Variants in SAMD12 observed in about 807,000 individuals in gnomAD.
SAMD12 encodes the protein sterile alpha motif domain-containing protein 12.
A neutral mutation model predicts 15.0 loss-of-function variants in SAMD12; 9 were observed. That is an observed-to-expected ratio of 0.60 (90% CI 0.36 to 1.05). SAMD12 has a LOEUF of 1.05. SAMD12 is among the 50% of genes least tolerant of loss of function. The pLI, the probability that SAMD12 is intolerant of heterozygous loss-of-function variation, is 0.01. For synonymous variants in SAMD12, 86 were observed against 90.1 expected, an observed-to-expected ratio of 0.96 and a Z score of 0.25; for missense variants, 230 against 234.2, an observed-to-expected ratio of 0.98 and a Z score of 0.12.
intron 3 of SAMD12, among the ~76,000 whole-genome samples, chr8:118,412,077 T>G (rs1162401635): frequency 1.3e-5 from 2 of 152,218 alleles, no homozygotes; most frequent in African/African-American, 4.8e-5. Flanking sequence ...AAAAGTTTAC[T>G]AGCCCTCACC....
At chr8:118,310,372 C>T (rs1237501286) in intron 4 of SAMD12, among the ~76,000 whole-genome samples, 1 of 152,160 alleles carries the variant, frequency 6.6e-6, no homozygotes, top group Non-Finnish European at 1.5e-5. Context: ...GGCTGTAAAG[C>T]CAAAAACTAA....
chr8:118,503,098 T>C (rs1318961142), intron 2 of SAMD12, among the ~76,000 whole-genome samples: 2 of 152,252 alleles, frequency 1.3e-5, no homozygotes, highest in Non-Finnish European at 2.9e-5. Flanking sequence ...TCTGCTTCAG[T>C]ATTAAAGAGC....
chr8:118,505,138 G>A (rs1824887615), intron 2 of SAMD12, among the ~76,000 whole-genome samples: 1 of 152,166 alleles, frequency 6.6e-6, no homozygotes, highest in African/African-American at 2.4e-5. Flanking sequence ...TCTGTTTCTG[G>A]TTCCAACTTC....
At chr8:118,514,189 A>G (rs189044644) in intron 2 of SAMD12, among the ~76,000 whole-genome samples, 262 of 152,254 alleles carry the variant, frequency 1.7e-3, no homozygotes, top group Non-Finnish European at 3.2e-3. Flanking sequence ...TTTCCATACA[A>G]CTCTCTAATG....
chr8:118,506,107 G>A (rs1331549647), intron 2 of SAMD12, among the ~76,000 whole-genome samples: 1 of 152,034 alleles, frequency 6.6e-6, no homozygotes, highest in African/African-American at 2.4e-5. Context: ...ACAGAACACT[G>A]GTCCCTATAC....
At chr8:118,449,830 A>G (rs1252783504) in intron 2 of SAMD12, among the ~76,000 whole-genome samples, 8 of 151,182 alleles carry the variant, frequency 5.3e-5, no homozygotes, top group Non-Finnish European at 7.4e-5. Context: ...ACAAAAAAAA[A>G]GGTGAGAAAA....
rs766659975 is a variant in SAMD12 at position 118,621,861 on chromosome 8, G to A, written c.-45C>T. ...CGCATGCATAATTTTCTTGGCCGAG[G>A]TACTCCTCCTGCCCCGCGCTCCCCC... On this transcript the variant is annotated 5_prime_UTR_variant, in exon 1 of 4. Coordinates refer to ENST00000314727, the MANE Select transcript of SAMD12 (RefSeq NM_207506.3). 9.3e-6 allele frequency: 15 copies of A among 1,607,386 alleles called. No homozygotes were observed. Among genetic ancestry groups the A allele is most frequent in the Non-Finnish European group, 1.2e-5 (14 of 1,173,934 alleles).
At chr8:118,272,300 T>G (rs1388951494) in intron 4 of SAMD12, among the ~76,000 whole-genome samples, 1 of 152,202 alleles carries the variant, frequency 6.6e-6, no homozygotes, top group Non-Finnish European at 1.5e-5. Context: ...TAGCCATAGC[T>G]GGAGTAGCTG....
chr8:118,321,182 TA>T (rs1377854402), intron 4 of SAMD12, among the ~76,000 whole-genome samples: 4 of 118,012 alleles, frequency 3.4e-5, no homozygotes, highest in South Asian at 2.9e-4. Flanking sequence ...TATATATATA[TA>T]TATTCTTCAT....
intron 2 of SAMD12, among the ~76,000 whole-genome samples, chr8:118,463,666 C>T (rs1166709049): frequency 6.6e-6 from 1 of 152,014 alleles, no homozygotes; most frequent in Non-Finnish European, 1.5e-5. Context: ...AAGGCTAAGC[C>T]GGAAAAAACC....
At chr8:118,487,311 T>G (rs1824318205) in intron 2 of SAMD12, among the ~76,000 whole-genome samples, 1 of 152,150 alleles carries the variant, frequency 6.6e-6, no homozygotes. Flanking sequence ...GGGAAATGAC[T>G]AAGCTTTGAA....
Position 118,378,616 on chromosome 8 carries a change from TC to T in SAMD12, c.*800del, listed in dbSNP as rs1452720067. ...TTGGCTGACCCAGATTTCTCCAATATCGGTATGCATGCAATTACAATATTCT... is the reference window on the plus strand; with the variant it reads ...TTGGCTGACCCAGATTTCTCCAATATGGTATGCATGCAATTACAATATTCT... On this transcript the variant is annotated 3_prime_UTR_variant, in exon 4 of 4. Coordinates refer to ENST00000314727, the MANE Select transcript of SAMD12 (RefSeq NM_207506.3). 1 of 985,266 alleles carries T rather than the reference TC, an allele frequency of 1.0e-6. No homozygotes were observed. 61.0% of individuals were successfully genotyped at this position (985,266 alleles called of 1,614,324 possible). A position where few individuals can be genotyped will look rare whatever the true frequency, so the allele number is the denominator to read the frequency against.
At chr8:118,220,868 A>G (rs1354516301) in intron 4 of SAMD12, among the ~76,000 whole-genome samples, 1 of 152,256 alleles carries the variant, frequency 6.6e-6, no homozygotes, top group Non-Finnish European at 1.5e-5. Flanking sequence ...ACCAGTGATT[A>G]TGCAAATAGG....
intron 2 of SAMD12, among the ~76,000 whole-genome samples, chr8:118,576,312 T>C (rs977912172): frequency 6.6e-6 from 1 of 152,224 alleles, no homozygotes; most frequent in East Asian, 1.9e-4. Flanking sequence ...TAGTGGCTAT[T>C]GTATTGAACA....
chr8:118,246,582 T>C (rs1166578078), intron 4 of SAMD12, among the ~76,000 whole-genome samples: 1 of 152,188 alleles, frequency 6.6e-6, no homozygotes, highest in Non-Finnish European at 1.5e-5. Flanking sequence ...TGTGTACTCA[T>C]ATATTCCAGT....
At chr8:118,363,586 C>A (rs989385994) in intron 4 of SAMD12, among the ~76,000 whole-genome samples, 1 of 152,118 alleles carries the variant, frequency 6.6e-6, no homozygotes, top group African/African-American at 2.4e-5. Context: ...TCCTGGTCCT[C>A]AAGCCTTTAC....
At chr8:118,154,144 G>GCACACACACACA in the SAMD12 span, among the ~76,000 whole-genome samples, 152 of 149,822 alleles carry the variant, frequency 1.0e-3, no homozygotes, top group Middle Eastern at 3.4e-3. Flanking sequence ...ACACACAAGT[G>GCACACACACACA]CACACACACA....
intron 2 of SAMD12, among the ~76,000 whole-genome samples, chr8:118,517,459 G>T (rs981459365): frequency 6.6e-6 from 1 of 152,186 alleles, no homozygotes; most frequent in African/African-American, 2.4e-5. Flanking sequence ...TCTAACAATA[G>T]TTCTTGGTAC....
chr8:118,141,066 C>T, the SAMD12 span, among the ~76,000 whole-genome samples: 1 of 152,178 alleles, frequency 6.6e-6, no homozygotes, highest in Non-Finnish European at 1.5e-5. Context: ...ATTCAACTGA[C>T]ATTTATTGAG....
Sources: gnomAD v4.1 joint callset for allele counts (sites outside exome capture counted in the v4.1 genomes callset) on GRCh38, gnomAD v4.1.1 for gene constraint, MANE v1.5 for transcripts, NCBI Gene and HGNC (gene_info 2026-07-23, HGNC 2026-07-21) for gene names.